GAREM1: variants seen among roughly 807,000 people sequenced by gnomAD.
The protein encoded by GAREM1 is GRB2-associated and regulator of MAPK protein 1.
A neutral mutation model predicts 71.3 loss-of-function variants in GAREM1; 26 were observed. That is an observed-to-expected ratio of 0.36 (90% CI 0.27 to 0.51). The LOEUF (loss-of-function observed/expected upper bound fraction) is 0.51. Ranked by LOEUF, GAREM1 falls within the 20% of genes least tolerant of loss-of-function variation. The pLI is 0.95. For synonymous variants in GAREM1, 440 were observed against 433.2 expected, an observed-to-expected ratio of 1.02 and a Z score of -0.20; for missense variants, 1,026 against 1,103.1, an observed-to-expected ratio of 0.93 and a Z score of 0.99.
chr18:32,444,231 T>C (rs560955172), intron 1 of GAREM1, among the ~76,000 whole-genome samples: 3 of 152,206 alleles, frequency 2.0e-5, no homozygotes, highest in Admixed American at 6.5e-5. Context: ...AAAAACTGAA[T>C]TGTACACTTT....
At position 32,363,772 on chromosome 18, in the gene GAREM1, G is replaced by A. The variant is rs532831731; in HGVS notation, c.262+29123C>T. 9.9e-5 allele frequency among the ~76,000 whole-genome samples: 15 copies of A among 151,556 alleles called. 1 individual carries two copies. The South Asian group carries it at 2.9e-3, about 30-fold the overall frequency. ...TCAGTCATCAACATGTAAAAGGAAA[G>A]GTTATTTTGAAGAGGCTCAAGGTAA... is the stretch of plus-strand genomic sequence containing the variant. On this transcript the variant is annotated intron_variant, in intron 2 of 5. Transcript: ENST00000269209.
chr18:32,434,407 A>T (rs1005521311), intron 1 of GAREM1, among the ~76,000 whole-genome samples: 2 of 152,110 alleles, frequency 1.3e-5, no homozygotes, highest in Non-Finnish European at 2.9e-5. Flanking sequence ...TTAAAAAAGG[A>T]GGGCTCTTTG....
In GAREM1 at chr18:32,456,310, G is replaced by C. The variant is rs115578143; in HGVS notation, c.121+13998C>G. Among the ~76,000 whole-genome samples, 1,326 of 152,182 alleles carry C rather than the reference G, an allele frequency of 8.7e-3. 25 individuals are homozygous for C. Among genetic ancestry groups the C allele is most frequent in the African/African-American group, 0.03 (1,256 of 41,518 alleles). The stretch of plus-strand genomic sequence containing the variant: ...ATGATTTTAATCCACAGAAGAGCAA[G>C]TCCGAGTGGTGAACATATATATAAA... On this transcript the variant is annotated intron_variant, in intron 1 of 5. Coordinates refer to ENST00000269209, the MANE Select transcript of GAREM1 (RefSeq NM_001242409.2).
At chr18:32,273,334 C>T (rs966717383) in intron 4 of GAREM1, among the ~76,000 whole-genome samples, 2 of 152,134 alleles carry the variant, frequency 1.3e-5, no homozygotes, top group African/African-American at 4.8e-5. Flanking sequence ...TTACAATATG[C>T]ATTTTAATTT....
rs2048027347 is a variant in GAREM1 at position 32,376,005 on chromosome 18, G to A, written c.262+16890C>T. Among the ~76,000 whole-genome samples, 9 of 152,120 alleles carry A rather than the reference G, an allele frequency of 5.9e-5. No individual in the cohort carries two copies. The South Asian group carries it at 1.5e-3, about 25-fold the overall frequency. The stretch of plus-strand genomic sequence containing the variant: ...AGTTGAATGTAAAAAAAAAAATCCG[G>A]GCAATAATCTTGTGAACATTTTATC... On this transcript the variant is annotated intron_variant, in intron 2 of 5. Coordinates refer to ENST00000269209, the MANE Select transcript of GAREM1 (RefSeq NM_001242409.2).
rs34206528 is a variant in GAREM1, at chr18:32,470,066, C to CT, written c.121+241dup. Among the ~76,000 whole-genome samples the CT allele has an allele frequency of 0.12, 18,349 of 151,476 alleles. 1,215 individuals carry two copies. Among genetic ancestry groups the CT allele is most frequent in the Admixed American group, 0.21 (3,221 of 15,220 alleles). On this transcript the variant is annotated intron_variant, in intron 1 of 5. Transcript: ENST00000269209. The surrounding 1 kb of genome is among the most constrained non-coding windows in gnomAD (Gnocchi z 4.4). ...ATCTGCAGAGGTCTCCCTATGTTGA[C>CT]TTTTTTTTTAGGGCGTCCTTTTTAA...
intron 2 of GAREM1, among the ~76,000 whole-genome samples, chr18:32,360,081 TCTTCCTTTC>T (rs1290875962): frequency 1.3e-5 from 2 of 152,138 alleles, no homozygotes; most frequent in Non-Finnish European, 2.9e-5. Flanking sequence ...TAATTTGTTT[TCTTCCTTTC>T]CTATCTTACC....
chr18:32,292,841 G>A (rs1253787649), intron 3 of GAREM1, among the ~76,000 whole-genome samples: 1 of 152,120 alleles, frequency 6.6e-6, no homozygotes, highest in Non-Finnish European at 1.5e-5. Context: ...ACCATATAAT[G>A]CCAGTAGGGA....
At chr18:32,444,030 G>A (rs2048765145) in intron 1 of GAREM1, among the ~76,000 whole-genome samples, 1 of 152,118 alleles carries the variant, frequency 6.6e-6, no homozygotes, top group Admixed American at 6.6e-5. Flanking sequence ...GCCACATATT[G>A]TATGAGTCCA....
At chr18:32,317,785 G>A (rs1380022688) in intron 2 of GAREM1, among the ~76,000 whole-genome samples, 1 of 148,424 alleles carries the variant, frequency 6.7e-6, no homozygotes, top group African/African-American at 2.5e-5. Context: ...TACCTCCTCT[G>A]TGATTGCTGT....
chr18:32,346,012 G>C (rs1454158899), intron 2 of GAREM1, among the ~76,000 whole-genome samples: 1 of 151,550 alleles, frequency 6.6e-6, no homozygotes, highest in Admixed American at 6.6e-5. Context: ...TTTTTTTTCA[G>C]TTTCAAGTTC....
intron 5 of GAREM1, among the ~76,000 whole-genome samples, chr18:32,269,622 A>G (rs926549694): frequency 6.6e-6 from 1 of 152,234 alleles, no homozygotes; most frequent in Non-Finnish European, 1.5e-5. Context: ...GAAATGATTG[A>G]AAGTTACACA....
At chr18:32,428,531 C>T (rs759353424) in intron 1 of GAREM1, among the ~76,000 whole-genome samples, 18 of 152,154 alleles carry the variant, frequency 1.2e-4, no homozygotes, top group Non-Finnish European at 2.2e-4. Flanking sequence ...CCTGCTCCAG[C>T]CATGTGAGGT....
intron 1 of GAREM1, among the ~76,000 whole-genome samples, chr18:32,429,920 T>C (rs561826223): frequency 6.6e-6 from 1 of 152,344 alleles, no homozygotes; most frequent in East Asian, 1.9e-4. Flanking sequence ...CTTTCTGCAC[T>C]GCAAAGACTG....
rs114733611 is a variant in GAREM1 at position 32,404,672 on chromosome 18, C to T, written c.122-11637G>A. On this transcript the variant is annotated intron_variant, in intron 1 of 5. Coordinates refer to ENST00000269209, the MANE Select transcript of GAREM1 (RefSeq NM_001242409.2). ...CATGCATGTTTAATCCTTTCAACTC[C>T]GAAATACCTAACTTTGCAAATATAT... is the stretch of plus-strand genomic sequence containing the variant. Among the ~76,000 whole-genome samples, 634 of 152,218 alleles carry T rather than the reference C, an allele frequency of 4.2e-3. 5 individuals carry two copies. Among genetic ancestry groups the T allele is most frequent in the African/African-American group, 0.015 (608 of 41,548 alleles).
In GAREM1 at chr18:32,267,375, T is replaced by C. The variant is rs17743259; in HGVS notation, c.*496A>G. 6,431 of 152,574 alleles carry C rather than the reference T, an allele frequency of 0.042. 163 individuals are homozygous for C. Among genetic ancestry groups the C allele is most frequent in the East Asian group, 0.074 (383 of 5,178 alleles). 9.5% of individuals were successfully genotyped at this position (152,574 alleles called of 1,614,324 possible). A position where few individuals can be genotyped will look rare whatever the true frequency, so the allele number is the denominator to read the frequency against. ...CATACAACATTAAAGTGTCAATTCG[T>C]ATCACTAACATTTTCAGGCACAAGA... On this transcript the variant is annotated 3_prime_UTR_variant, in exon 6 of 6. Transcript: ENST00000269209.
In GAREM1 at chr18:32,348,256, C is replaced by T. The variant is rs149700832; in HGVS notation, c.263-37933G>A. On this transcript the variant is annotated intron_variant, in intron 2 of 5. Transcript: ENST00000269209. ...AAAGGACAGAGGACCAGGGTTTTGC[C>T]TATGATTAACAATACTTAGTGTTTT... Among the ~76,000 whole-genome samples, 320 of 152,230 alleles carry T rather than the reference C, an allele frequency of 2.1e-3. 4 individuals carry two copies. Among genetic ancestry groups the T allele is most frequent in the South Asian group, 0.021 (100 of 4,820 alleles).
intron 3 of GAREM1, among the ~76,000 whole-genome samples, chr18:32,297,205 T>C (rs1238317244): frequency 6.6e-6 from 1 of 152,210 alleles, no homozygotes; most frequent in East Asian, 1.9e-4. Flanking sequence ...TATAGATGGA[T>C]GAAAAGAACC....
Position 32,337,139 on chromosome 18 carries a change from A to G in GAREM1, c.263-26816T>C, listed in dbSNP as rs148977829. ...AAACCATACAGAATTAGACATGGGC[A>G]CCTGTATATTCAAGGCACAAATACA... On this transcript the variant is annotated intron_variant, in intron 2 of 5. Coordinates refer to ENST00000269209, the MANE Select transcript of GAREM1 (RefSeq NM_001242409.2). Among the ~76,000 whole-genome samples the G allele has an allele frequency of 2.6e-4, 39 of 152,362 alleles. No homozygotes were observed. The East Asian group carries it at 5.6e-3, about 22-fold the overall frequency.
Sources: allele counts gnomAD v4.1 joint callset (sites outside exome capture counted in the v4.1 genomes callset), GRCh38; gene constraint gnomAD v4.1.1; non-coding constraint Gnocchi (gnomAD v3.1); transcripts MANE v1.5; gene names NCBI Gene and HGNC (gene_info 2026-07-23, HGNC 2026-07-21).